The following TRPC3 variants were observed in gnomAD, a reference collection of about 807,000 sequenced individuals.
TRPC3 encodes the protein short transient receptor potential channel 3.
A neutral mutation model predicts 90.9 loss-of-function variants in TRPC3; 54 were observed. The observed-to-expected ratio is 0.59, with a 90% CI of 0.48 to 0.75. The LOEUF (loss-of-function observed/expected upper bound fraction) is 0.75. Ranked by LOEUF, TRPC3 falls within the 30% of genes least tolerant of loss-of-function variation. The pLI is 0.00. For synonymous variants in TRPC3, 424 were observed against 450.9 expected (o/e 0.94, Z 0.75); for missense variants, 918 against 1,194.5 (o/e 0.77, Z 3.41).
chr4:121,908,198 C>T, intron 6 of TRPC3, among the ~76,000 whole-genome samples: 1 of 152,132 alleles, frequency 6.6e-6, no homozygotes, highest in Non-Finnish European at 1.5e-5. Flanking sequence ...ATTAAGTCTG[C>T]AGCAGACCTG....
At chr4:121,947,906 C>T (rs1175768585) in intron 1 of TRPC3, among the ~76,000 whole-genome samples, 1 of 152,162 alleles carries the variant, frequency 6.6e-6, no homozygotes, top group African/African-American at 2.4e-5. Flanking sequence ...ACAGTAGAGT[C>T]ATAAGTTTTT....
chr4:121,912,150 A>G, intron 4 of TRPC3, 57 bp from the exon 5 acceptor site: 1 of 1,479,486 alleles, frequency 6.8e-7, no homozygotes, highest in South Asian at 1.2e-5. Context: ...TCACTTGTGG[A>G]GATTACAACA....
rs1030471090 is a variant in TRPC3, at chr4:121,899,622, G to A, written c.2537C>T (p.Thr846Ile). 1.2e-6 allele frequency: 2 copies of A among 1,613,076 alleles called. No homozygotes were observed. The highest frequency in any genetic ancestry group is 2.7e-5 in the African/African-American group (2 of 74,884). ...HSFNSILNQP[T>I]RYQQIMKRLI... ...CTAATGAATGCTTACCTGATAACGT[G>A]TTGGCTGATTGAGAATGCTGTTAAA... The change falls in exon 10 of 12, where the codon ACA (threonine) becomes ATA (isoleucine). Residue 846 changes from threonine to isoleucine, a missense_variant. By Grantham distance (89) the Thr-to-Ile change is moderately conservative. Around this residue, in one of 4 missense-constraint regions of TRPC3, gnomAD observed 121 missense variants for 135.7 expected, o/e 0.89. Coordinates refer to ENST00000379645, the MANE Select transcript of TRPC3 (RefSeq NM_001130698.2).
intron 3 of TRPC3, among the ~76,000 whole-genome samples, chr4:121,916,484 A>C (rs575548321): frequency 1.6e-4 from 24 of 152,306 alleles, no homozygotes; most frequent in South Asian, 1.0e-3. Context: ...CTAAGCCTCA[A>C]TGTGATGGGT....
intron 10 of TRPC3, among the ~76,000 whole-genome samples, chr4:121,887,304 T>C (rs1728157674): frequency 6.6e-6 from 1 of 152,252 alleles, no homozygotes; most frequent in Non-Finnish European, 1.5e-5. Flanking sequence ...TAGCGTTATG[T>C]GAATATTTGT....
At chr4:121,911,640 T>C (rs894634314) in intron 5 of TRPC3, among the ~76,000 whole-genome samples, 5 of 152,190 alleles carry the variant, frequency 3.3e-5, no homozygotes, top group African/African-American at 9.6e-5. Flanking sequence ...TTCTGAAACA[T>C]AGTATATTTG....
In TRPC3 at chr4:121,949,657, C is replaced by T. The variant is rs182258405; in HGVS notation, c.215+1809G>A. 6.6e-5 allele frequency among the ~76,000 whole-genome samples: 10 copies of T among 152,270 alleles called. No individual in the cohort carries two copies. The East Asian group carries it at 1.7e-3, about 26-fold the overall frequency. ...AAATAAACATGAAGAGCTTGCTGCC[C>T]TGCCTCTAGAAGAAACGTTTTTAAT... On this transcript the variant is annotated intron_variant, in intron 1 of 11. Transcript: ENST00000379645.
intron 1 of TRPC3, 25 bp from the exon 2 acceptor site, chr4:121,933,067 A>C (rs963017175): frequency 6.5e-7 from 1 of 1,530,516 alleles, no homozygotes; most frequent in African/African-American, 1.4e-5. Flanking sequence ...CGATAAAACA[A>C]CTGTAGAATA....
chr4:121,894,564 T>G (rs968513635), intron 10 of TRPC3, among the ~76,000 whole-genome samples: 11 of 134,664 alleles, frequency 8.2e-5, no homozygotes, highest in Non-Finnish European at 1.8e-4. Flanking sequence ...TGTTTTTTTT[T>G]TTTTTTTTTT....
chr4:121,933,134 C>A, intron 1 of TRPC3, 92 bp from the exon 2 acceptor site: 1 of 1,449,806 alleles, frequency 6.9e-7, no homozygotes. Flanking sequence ...ACACACTACC[C>A]ACTGCAAACC....
chr4:121,920,991 C>G (rs556556637), intron 3 of TRPC3, among the ~76,000 whole-genome samples: 36 of 152,146 alleles, frequency 2.4e-4, no homozygotes, highest in Non-Finnish European at 4.6e-4. Flanking sequence ...GAGATTTCTT[C>G]GCTTTTATAT....
chr4:121,896,880 G>A (rs917382565), intron 10 of TRPC3, among the ~76,000 whole-genome samples: 1 of 151,836 alleles, frequency 6.6e-6, no homozygotes, highest in Non-Finnish European at 1.5e-5. Flanking sequence ...TCACACAATC[G>A]GACCTTAAAA....
At position 121,951,346 on chromosome 4, in the gene TRPC3, C is replaced by T. The variant is rs989081859; in HGVS notation, c.215+120G>A. 84 of 596,002 alleles carry T rather than the reference C, an allele frequency of 1.4e-4. No homozygotes were observed. Among genetic ancestry groups the T allele is most frequent in the South Asian group, 1.3e-3 (16 of 12,462 alleles). The allele number at this position is 596,002 out of a possible 1,614,324, so 36.9% of individuals were successfully genotyped here. On this transcript the variant is annotated intron_variant, in intron 1 of 11. Transcript: ENST00000379645. The surrounding 1 kb of genome is among the most constrained non-coding windows in gnomAD (Gnocchi z 4.4). ...AATCACTCCAAATCGAACTGCCTGG[C>T]CGTACCATGTGGGTCTCGGAGGTCC...
chr4:121,911,768 A>T, intron 5 of TRPC3, 109 bp downstream of exon 5: 1 of 1,096,970 alleles, frequency 9.1e-7, no homozygotes, highest in Non-Finnish European at 1.3e-6. Flanking sequence ...TGCAACAGTG[A>T]TGTTGTCACC....
chr4:121,931,623 A>G (rs1478023809), intron 2 of TRPC3, among the ~76,000 whole-genome samples: 1 of 152,214 alleles, frequency 6.6e-6, no homozygotes, highest in Admixed American at 6.5e-5. Flanking sequence ...ACTGACATCT[A>G]CGGCTCACCA....
chr4:121,910,642 G>A (rs1013397336), intron 5 of TRPC3, among the ~76,000 whole-genome samples: 1 of 152,122 alleles, frequency 6.6e-6, no homozygotes, highest in African/African-American at 2.4e-5. Context: ...CACCAGAGAT[G>A]TCTCTATTCA....
At chr4:121,892,995 C>A (rs1263447775) in intron 10 of TRPC3, among the ~76,000 whole-genome samples, 2 of 151,922 alleles carry the variant, frequency 1.3e-5, no homozygotes, top group East Asian at 3.9e-4. Flanking sequence ...GTGGCAGGCA[C>A]CAGTAGTCCC....
At chr4:121,922,179 C>T (rs916867157) in intron 3 of TRPC3, among the ~76,000 whole-genome samples, 3 of 151,990 alleles carry the variant, frequency 2.0e-5, no homozygotes, top group Admixed American at 2.0e-4. Flanking sequence ...GCCTCGGCCC[C>T]CCAAAGTGCT....
In TRPC3 at chr4:121,945,030, C is replaced by T. The variant is rs550565041; in HGVS notation, c.215+6436G>A. On this transcript the variant is annotated intron_variant, in intron 1 of 11. Coordinates refer to ENST00000379645, the MANE Select transcript of TRPC3 (RefSeq NM_001130698.2). ...GAGACTGGACTAGATGAAATCCTTT[C>T]AAATTCAAACATTCTATTATTCTTC... Among the ~76,000 whole-genome samples, 3 of 152,302 alleles carry T rather than the reference C, an allele frequency of 2.0e-5. No individual in the cohort carries two copies. In the East Asian group the frequency reaches 5.8e-4, roughly 29 times the overall value.
Sources: gnomAD v4.1 joint callset for allele counts (sites outside exome capture counted in the v4.1 genomes callset) on GRCh38, gnomAD v4.1.1 for gene constraint, gnomAD v4.1.1 regional missense constraint, Gnocchi (gnomAD v3.1) non-coding constraint, MANE v1.5 for transcripts, NCBI Gene and HGNC (gene_info 2026-07-23, HGNC 2026-07-21) for gene names.